The following GRM3 variants were observed in gnomAD, a reference collection of about 807,000 sequenced individuals.
GRM3 encodes the protein metabotropic glutamate receptor 3.
GRM3 carries 26 observed loss-of-function variants against 70.5 expected under a neutral mutation model. The ratio of observed to expected loss-of-function variants is 0.37; its 90% CI spans 0.27 to 0.51. The LOEUF (loss-of-function observed/expected upper bound fraction) is 0.51, where lower values mean the gene tolerates loss of function less well. Among genes scored for constraint, GRM3 ranks in the 20% least tolerant of loss-of-function variants. The pLI, the probability that GRM3 is intolerant of heterozygous loss-of-function variation, is 0.93. For missense variants in GRM3, 859 were observed against 1,123.8 expected (o/e 0.76, Z 3.37); for synonymous variants, 443 against 434.9 (o/e 1.02, Z -0.23).
At chr7:86,769,275 C>G (rs139040127) in intron 2 of GRM3, among the ~76,000 whole-genome samples, 4 of 151,858 alleles carry the variant, frequency 2.6e-5, no homozygotes, top group African/African-American at 9.7e-5. Context: ...TGAACTGAGC[C>G]GGGGGAAAAA....
At chr7:86,815,895 A>G (rs1438363952) in intron 3 of GRM3, among the ~76,000 whole-genome samples, 1 of 151,958 alleles carries the variant, frequency 6.6e-6, no homozygotes, top group African/African-American at 2.4e-5. Context: ...AAAAGATGAA[A>G]TGATTCAGTG....
At chr7:86,857,301 G>C (rs1006627682) in intron 5 of GRM3, among the ~76,000 whole-genome samples, 1 of 152,166 alleles carries the variant, frequency 6.6e-6, no homozygotes, top group Admixed American at 6.5e-5. Context: ...AATGTGGCTA[G>C]AGGAAGATGA....
In GRM3 at chr7:86,839,377, G is replaced by A. The variant is rs1263999945; in HGVS notation, c.1863G>A (p.Gly621=). The part of the protein sequence containing the change: ...GRELCYILLF[G]VGLSYCMTFF... ...AACTCTGCTACATCTTATTGTTTGG[G>A]GTTGGCCTGTCATACTGCATGACAT... Residue 621 remains glycine, a synonymous_variant, in exon 4 of 6, where the codon GGG becomes GGA. Transcript: ENST00000361669. This position sits in a 1 kb window ranked among gnomAD's most constrained non-coding sequence, Gnocchi z 4.5. 1.2e-6 allele frequency: 2 copies of A among 1,614,010 alleles called. No individual in the cohort carries two copies. Among genetic ancestry groups the A allele is most frequent in the East Asian group, 2.2e-5 (1 of 44,884 alleles).
At chr7:86,830,491 A>G (rs1798328765) in intron 3 of GRM3, among the ~76,000 whole-genome samples, 1 of 152,230 alleles carries the variant, frequency 6.6e-6, no homozygotes, top group African/African-American at 2.4e-5. Context: ...TATATAAGTT[A>G]AAAATTGAAA....
chr7:86,837,269 C>G (rs1213612610), intron 3 of GRM3, among the ~76,000 whole-genome samples: 3 of 152,124 alleles, frequency 2.0e-5, no homozygotes, highest in African/African-American at 7.2e-5. Context: ...TTACCAAGAG[C>G]CCAAGTAATT....
At chr7:86,763,336 C>A (rs946797996) in intron 1 of GRM3, among the ~76,000 whole-genome samples, 3 of 152,140 alleles carry the variant, frequency 2.0e-5, no homozygotes, top group Non-Finnish European at 2.9e-5. Context: ...CTGATGCAGT[C>A]AGATCTCTCA....
rs187235037 is a variant in GRM3 at position 86,788,945 on chromosome 7, G to A, written c.1324+1829G>A. 3.6e-3 allele frequency among the ~76,000 whole-genome samples: 549 copies of A among 152,316 alleles called. 4 individuals are homozygous for A. The highest frequency in any genetic ancestry group is 4.7e-3 in the Non-Finnish European group (318 of 68,024). On this transcript the variant is annotated intron_variant, in intron 3 of 5. Coordinates refer to ENST00000361669, the MANE Select transcript of GRM3 (RefSeq NM_000840.3). ...AACGCTTAGAATTCAGAGAGCCTTTGCAAGGTGTTTTATGGAACCAAAACA... is the reference window on the plus strand; with the variant it reads ...AACGCTTAGAATTCAGAGAGCCTTTACAAGGTGTTTTATGGAACCAAAACA...
chr7:86,708,341 G>A (rs545046361), intron 1 of GRM3, among the ~76,000 whole-genome samples: 2 of 152,190 alleles, frequency 1.3e-5, no homozygotes, highest in African/African-American at 4.8e-5. Context: ...ATCCTACAGT[G>A]GCCACACATA....
intron 4 of GRM3, among the ~76,000 whole-genome samples, chr7:86,843,101 G>A (rs1798588208): frequency 6.6e-6 from 1 of 152,108 alleles, no homozygotes; most frequent in African/African-American, 2.4e-5. Flanking sequence ...TTTTGTTTTG[G>A]TTATTTGCTT....
At chr7:86,771,330 G>A (rs2116444190) in intron 2 of GRM3, among the ~76,000 whole-genome samples, 1 of 152,184 alleles carries the variant, frequency 6.6e-6, no homozygotes, top group Non-Finnish European at 1.5e-5. Context: ...GGAGCAGAAA[G>A]TTTACATAAT....
In GRM3 at chr7:86,786,660, C is replaced by G; in HGVS notation, c.868C>G (p.Arg290Gly). The G allele has an allele frequency of 6.2e-7, 1 of 1,611,918 alleles. No individual in the cohort carries two copies. Among genetic ancestry groups the G allele is most frequent in the Non-Finnish European group, 8.5e-7 (1 of 1,179,826 alleles). Residue 290 changes from arginine to glycine, a missense_variant, in exon 3 of 6, where the codon CGC becomes GGC. Physicochemically the swap from Arg to Gly is moderately radical, Grantham distance 125. Coordinates refer to ENST00000361669, the MANE Select transcript of GRM3 (RefSeq NM_000840.3). This position sits in a 1 kb window ranked among gnomAD's most constrained non-coding sequence, Gnocchi z 6.0. Reference protein sequence around the residue: ...DSRELIAAASRANASFTWVAS... With the variant: ...DSRELIAAASGANASFTWVAS... ...GCGGGAGCTCATTGCAGCCGCCAGC[C>G]GCGCCAATGCCTCCTTCACCTGGGT...
intron 4 of GRM3, among the ~76,000 whole-genome samples, chr7:86,849,995 G>A (rs958955637): frequency 6.6e-6 from 1 of 152,168 alleles, no homozygotes; most frequent in Non-Finnish European, 1.5e-5. Context: ...CAAGTTCATA[G>A]ACTGAAATCA....
chr7:86,845,154 T>C (rs1480242916), intron 4 of GRM3, among the ~76,000 whole-genome samples: 1 of 152,146 alleles, frequency 6.6e-6, no homozygotes, highest in African/African-American at 2.4e-5. Context: ...CCTCCCAAAG[T>C]GCTGGGATTA....
chr7:86,728,559 A>G (rs969435428), intron 1 of GRM3, among the ~76,000 whole-genome samples: 1 of 152,178 alleles, frequency 6.6e-6, no homozygotes, highest in Non-Finnish European at 1.5e-5. Context: ...TCACATTTGA[A>G]ATCTTCCAAA....
chr7:86,674,289 T>A (rs975442383), intron 1 of GRM3, among the ~76,000 whole-genome samples: 3 of 143,776 alleles, frequency 2.1e-5, no homozygotes, highest in Admixed American at 6.8e-5. Context: ...TCCTTCCACA[T>A]GGGCTTGTCT....
chr7:86,769,781 C>T (rs1265221429), intron 2 of GRM3, among the ~76,000 whole-genome samples: 1 of 152,112 alleles, frequency 6.6e-6, no homozygotes, highest in Non-Finnish European at 1.5e-5. Flanking sequence ...CTGCTGTGGT[C>T]CCTTTTATAA....
chr7:86,779,033 A>T (rs1168199311), intron 2 of GRM3, among the ~76,000 whole-genome samples: 1 of 152,136 alleles, frequency 6.6e-6, no homozygotes, highest in Non-Finnish European at 1.5e-5. Flanking sequence ...TGGGATCCTA[A>T]AAAGAAGGCT....
chr7:86,712,797 T>A (rs1348339506), intron 1 of GRM3, among the ~76,000 whole-genome samples: 1 of 152,114 alleles, frequency 6.6e-6, no homozygotes. Flanking sequence ...TCCATGTTGC[T>A]GCAAATAACA....
At chr7:86,650,521 C>G (rs944106026) in intron 1 of GRM3, among the ~76,000 whole-genome samples, 6 of 152,082 alleles carry the variant, frequency 3.9e-5, no homozygotes, top group African/African-American at 1.4e-4. Flanking sequence ...TTTCTCCACT[C>G]CAGACACTGT....
Sources: gnomAD v4.1 joint callset for allele counts (sites outside exome capture counted in the v4.1 genomes callset) on GRCh38, gnomAD v4.1.1 for gene constraint, Gnocchi (gnomAD v3.1) non-coding constraint, MANE v1.5 for transcripts, NCBI Gene and HGNC (gene_info 2026-07-23, HGNC 2026-07-21) for gene names.